UNC5D: variants seen among roughly 807,000 people sequenced by gnomAD.
UNC5D encodes the protein unc-5 netrin receptor D.
A neutral mutation model predicts 105.4 loss-of-function variants in UNC5D; 39 were observed. That is an observed-to-expected ratio of 0.37 (90% CI 0.29 to 0.48). UNC5D has a LOEUF of 0.48. Among genes scored for constraint, UNC5D ranks in the 20% least tolerant of loss-of-function variants. UNC5D has a pLI of 0.98. For synonymous variants in UNC5D, 452 were observed against 450.4 expected (o/e 1.00, Z -0.04); for missense variants, 991 against 1,202.4 (o/e 0.82, Z 2.60).
intron 1 of UNC5D, among the ~76,000 whole-genome samples, chr8:35,432,412 T>C (rs1397774463): frequency 1.3e-5 from 2 of 152,190 alleles, no homozygotes; most frequent in Non-Finnish European, 1.5e-5. Flanking sequence ...TTCTTTCTCT[T>C]GTTTTACAAA....
chr8:35,372,929 C>A (rs1802504326), intron 1 of UNC5D, among the ~76,000 whole-genome samples: 1 of 152,168 alleles, frequency 6.6e-6, no homozygotes, highest in African/African-American at 2.4e-5. Context: ...TCAATCCATT[C>A]ATATTTCCTT....
At chr8:35,740,770 A>G (rs565852776) in intron 11 of UNC5D, among the ~76,000 whole-genome samples, 1 of 152,306 alleles carries the variant, frequency 6.6e-6, no homozygotes, top group South Asian at 2.1e-4. Flanking sequence ...CTGTGGTTCC[A>G]GCTCTGCAAA....
At chr8:35,609,067 C>G (rs781302258) in intron 4 of UNC5D, among the ~76,000 whole-genome samples, 1 of 152,108 alleles carries the variant, frequency 6.6e-6, no homozygotes, top group African/African-American at 2.4e-5. Flanking sequence ...TGTCAACATC[C>G]AGTTTTTTTT....
At chr8:35,399,732 A>G (rs1328306785) in intron 1 of UNC5D, among the ~76,000 whole-genome samples, 2 of 152,160 alleles carry the variant, frequency 1.3e-5, no homozygotes, top group Non-Finnish European at 2.9e-5. Flanking sequence ...TTAAATTTTA[A>G]TTGTGAAAAC....
chr8:35,382,194 A>G (rs1305940259), intron 1 of UNC5D, among the ~76,000 whole-genome samples: 1 of 152,222 alleles, frequency 6.6e-6, no homozygotes, highest in Admixed American at 6.5e-5. Context: ...TGCACAGACT[A>G]AGATAAAATC....
chr8:35,268,595 A>T (rs1480429970), intron 1 of UNC5D, among the ~76,000 whole-genome samples: 1 of 152,156 alleles, frequency 6.6e-6, no homozygotes, highest in African/African-American at 2.4e-5. Flanking sequence ...TAATAATGTC[A>T]CACATTTAAA....
chr8:35,612,776 G>A (rs1478568999), intron 4 of UNC5D, among the ~76,000 whole-genome samples: 33 of 111,636 alleles, frequency 3.0e-4, no homozygotes, highest in African/African-American at 1.1e-3. Flanking sequence ...ATCCTACAAA[G>A]GTTTTGTAAA....
intron 1 of UNC5D, among the ~76,000 whole-genome samples, chr8:35,490,725 C>T (rs1056928166): frequency 6.6e-6 from 1 of 152,088 alleles, no homozygotes; most frequent in Non-Finnish European, 1.5e-5. Flanking sequence ...GAGGCTTCAT[C>T]TTAAACATTA....
intron 1 of UNC5D, among the ~76,000 whole-genome samples, chr8:35,426,729 T>C (rs181466344): frequency 6.6e-6 from 1 of 152,284 alleles, no homozygotes; most frequent in African/African-American, 2.4e-5. Flanking sequence ...ATGCCCCTTT[T>C]CAATGTTAGA....
chr8:35,722,444 C>T (rs143626212), intron 9 of UNC5D, 49 bp downstream of exon 9: 475 of 1,578,432 alleles, frequency 3.0e-4, no homozygotes, highest in African/African-American at 1.9e-3. Context: ...CCATAGACTA[C>T]GCTCACACTA....
chr8:35,382,906 G>A (rs916296171), intron 1 of UNC5D, among the ~76,000 whole-genome samples: 1 of 152,022 alleles, frequency 6.6e-6, no homozygotes, highest in Non-Finnish European at 1.5e-5. Context: ...TTTTCTTAAC[G>A]CTGTCGTCGT....
rs112760485 is a variant in UNC5D at position 35,386,400 on chromosome 8, G to T, written c.103+150513G>T. The stretch of plus-strand genomic sequence containing the variant: ...GCCCTGAGAGCCTGCAAATCAATCG[G>T]TTGACTTTCTAAAAGTACCTTATTG... On this transcript the variant is annotated intron_variant, in intron 1 of 16. Transcript: ENST00000404895. Among the ~76,000 whole-genome samples the T allele has an allele frequency of 3.8e-3, 586 of 152,238 alleles. 2 individuals are homozygous for T. The highest frequency in any genetic ancestry group is 0.01 in the Middle Eastern group (3 of 294).
chr8:35,316,817 A>G (rs2128882093), intron 1 of UNC5D, among the ~76,000 whole-genome samples: 1 of 152,274 alleles, frequency 6.6e-6, no homozygotes, highest in East Asian at 1.9e-4. Context: ...TTCATTGCTT[A>G]TATTACTTTG....
At chr8:35,486,355 G>A (rs749444312) in intron 1 of UNC5D, among the ~76,000 whole-genome samples, 1 of 152,138 alleles carries the variant, frequency 6.6e-6, no homozygotes. Context: ...CAGAGTGATG[G>A]CATTAAGCTC....
At chr8:35,589,762 T>C (rs1819040219) in intron 3 of UNC5D, among the ~76,000 whole-genome samples, 2 of 152,316 alleles carry the variant, frequency 1.3e-5, no homozygotes, top group Middle Eastern at 3.4e-3. Flanking sequence ...AAGTGGACTT[T>C]TGTGAATGGC....
chr8:35,397,290 CAGGGGTCTAACACA>C (rs1222556905), intron 1 of UNC5D, among the ~76,000 whole-genome samples: 1 of 152,166 alleles, frequency 6.6e-6, no homozygotes, highest in Non-Finnish European at 1.5e-5. Flanking sequence ...CATAAGGAAG[CAGGGGTCTAACACA>C]AGCTGTAGTG....
chr8:35,316,899 C>T (rs974176830), intron 1 of UNC5D, among the ~76,000 whole-genome samples: 1 of 151,952 alleles, frequency 6.6e-6, no homozygotes, highest in Non-Finnish European at 1.5e-5. Flanking sequence ...ATTTAATCGT[C>T]GAAAGCAACC....
intron 1 of UNC5D, among the ~76,000 whole-genome samples, chr8:35,322,743 T>C (rs1426364224): frequency 6.6e-6 from 1 of 152,186 alleles, no homozygotes. Flanking sequence ...ACTTAATGCT[T>C]CTCATTTTTC....
Position 35,318,476 on chromosome 8 carries a change from A to G in UNC5D, c.103+82589A>G, listed in dbSNP as rs187923618. Among the ~76,000 whole-genome samples, 461 of 152,192 alleles carry G rather than the reference A, an allele frequency of 3.0e-3. 2 individuals are homozygous for G. Among genetic ancestry groups the G allele is most frequent in the Admixed American group, 7.4e-3 (113 of 15,262 alleles). On this transcript the variant is annotated intron_variant, in intron 1 of 16. Transcript: ENST00000404895. The stretch of plus-strand genomic sequence containing the variant: ...AAGCAGGCCTCACTTTTTACTAACT[A>G]TGTGACCTGGGGCAGATATATTTGC...
Sources: allele counts gnomAD v4.1 joint callset (sites outside exome capture counted in the v4.1 genomes callset), GRCh38; gene constraint gnomAD v4.1.1; transcripts MANE v1.5; gene names NCBI Gene and HGNC (gene_info 2026-07-23, HGNC 2026-07-21).